The following ARHGAP10 variants were observed in gnomAD, a reference collection of about 807,000 sequenced individuals.
ARHGAP10 encodes the protein rho GTPase-activating protein 10.
ARHGAP10 carries 87 observed loss-of-function variants against 108.6 expected under a neutral mutation model. The ratio of observed to expected loss-of-function variants is 0.80; its 90% CI spans 0.67 to 0.96. The LOEUF (loss-of-function observed/expected upper bound fraction) is 0.96. Among genes scored for constraint, ARHGAP10 ranks in the 40% least tolerant of loss-of-function variants. The pLI is 0.00. For synonymous variants in ARHGAP10, 347 were observed against 341.1 expected (o/e 1.02, Z -0.19); for missense variants, 939 against 954.5 (o/e 0.98, Z 0.21).
intron 14 of ARHGAP10, 76 bp downstream of exon 14, chr4:147,939,975 A>G: frequency 7.5e-7 from 1 of 1,329,712 alleles, no homozygotes; most frequent in Non-Finnish European, 1.1e-6. Flanking sequence ...ATATTTCATA[A>G]TAATGTAGAG....
intron 22 of ARHGAP10, 32 bp downstream of exon 22, chr4:148,064,539 C>T: frequency 6.3e-7 from 1 of 1,581,414 alleles, no homozygotes; most frequent in Non-Finnish European, 8.7e-7. Context: ...GTCTGTTAAT[C>T]CTGTCCGCAG....
intron 1 of ARHGAP10, among the ~76,000 whole-genome samples, chr4:147,747,133 A>C (rs915045029): frequency 6.6e-6 from 1 of 151,978 alleles, no homozygotes; most frequent in Non-Finnish European, 1.5e-5. Flanking sequence ...TTGCACTTAA[A>C]AGACCCAAAC....
chr4:147,783,809 A>G (rs1730673646), intron 1 of ARHGAP10, among the ~76,000 whole-genome samples: 1 of 37,444 alleles, frequency 2.7e-5, no homozygotes, highest in African/African-American at 3.4e-5. Context: ...TTATATTTAT[A>G]TAACACACAT....
At chr4:148,007,397 G>A (rs1740992037) in intron 18 of ARHGAP10, among the ~76,000 whole-genome samples, 1 of 152,218 alleles carries the variant, frequency 6.6e-6, no homozygotes, top group Non-Finnish European at 1.5e-5. Context: ...TACAGGGAGT[G>A]TTTATCAGGG....
At chr4:147,927,729 A>G (rs1578699123) in intron 13 of ARHGAP10, among the ~76,000 whole-genome samples, 2 of 152,140 alleles carry the variant, frequency 1.3e-5, no homozygotes, top group East Asian at 1.9e-4. Context: ...GGACAGTGCA[A>G]CTTATTGGTG....
At chr4:147,910,634 G>A (rs1415472283) in intron 12 of ARHGAP10, among the ~76,000 whole-genome samples, 1 of 151,786 alleles carries the variant, frequency 6.6e-6, no homozygotes, top group African/African-American at 2.4e-5. Flanking sequence ...TGCCACTGCT[G>A]TACTTGAAGA....
At chr4:147,871,039 A>G (rs754959737) in intron 7 of ARHGAP10, among the ~76,000 whole-genome samples, 92 of 149,868 alleles carry the variant, frequency 6.1e-4, no homozygotes, top group Middle Eastern at 3.4e-3. Flanking sequence ...GGCTCACTGT[A>G]AGCTCCGCCT....
intron 18 of ARHGAP10, among the ~76,000 whole-genome samples, chr4:148,004,372 G>T (rs868582232): frequency 3.3e-5 from 5 of 152,192 alleles, no homozygotes; most frequent in Admixed American, 1.3e-4. Context: ...CTTTTGAAAA[G>T]AATGAATAGA....
At chr4:148,021,654 T>A (rs751947511) in intron 18 of ARHGAP10, among the ~76,000 whole-genome samples, 1 of 152,222 alleles carries the variant, frequency 6.6e-6, no homozygotes, top group Non-Finnish European at 1.5e-5. Flanking sequence ...TTAACTGCTC[T>A]CCTGTTCCCA....
chr4:147,941,753 A>G (rs564793027), intron 14 of ARHGAP10, among the ~76,000 whole-genome samples: 1 of 152,308 alleles, frequency 6.6e-6, no homozygotes, highest in East Asian at 1.9e-4. Context: ...AAAACTTTGG[A>G]TTTTCATTAG....
In ARHGAP10 at chr4:147,745,790, CT is replaced by C. The variant is rs70958581; in HGVS notation, c.154+13349del. ...ACAGGTGTGAGCCACTGTGCCCGGC[CT>C]TTTTTTTTTTTTTGAGATGGAGTTT... On this transcript the variant is annotated intron_variant, in intron 1 of 22. Transcript: ENST00000336498. Among the ~76,000 whole-genome samples, 1,085 of 132,920 alleles carry C rather than the reference CT, an allele frequency of 8.2e-3. 10 individuals are homozygous for C. Among genetic ancestry groups the C allele is most frequent in the African/African-American group, 0.028 (1,002 of 36,164 alleles). 87.2% of individuals were successfully genotyped at this position (132,920 alleles called of 152,430 possible). A position where few individuals can be genotyped will look rare whatever the true frequency, so the allele number is the denominator to read the frequency against.
At chr4:148,020,741 G>C (rs1425531182) in intron 18 of ARHGAP10, among the ~76,000 whole-genome samples, 1 of 152,108 alleles carries the variant, frequency 6.6e-6, no homozygotes, top group African/African-American at 2.4e-5. Context: ...TGTGAATAAT[G>C]CTGCAGCAAA....
chr4:147,870,002 G>T (rs56376203), intron 7 of ARHGAP10, among the ~76,000 whole-genome samples: 85,079 of 120,214 alleles, frequency 0.71, 27,758 homozygotes, highest in Non-Finnish European at 0.77. Context: ...CCCAGTTTGT[G>T]TGTGTGTGTG....
At chr4:147,982,365 CTTTTT>C (rs70958599) in intron 18 of ARHGAP10, among the ~76,000 whole-genome samples, 18 of 124,626 alleles carry the variant, frequency 1.4e-4, no homozygotes, top group Admixed American at 8.2e-4. Flanking sequence ...TTCTTTCTTT[CTTTTT>C]TTTTTTTTTT....
At chr4:147,878,296 A>T (rs555056286) in intron 8 of ARHGAP10, among the ~76,000 whole-genome samples, 68 of 152,182 alleles carry the variant, frequency 4.5e-4, no homozygotes, top group African/African-American at 1.2e-3. Context: ...AGGGTTTCAC[A>T]ACGTTGGCCA....
chr4:147,765,494 C>T (rs1290386917), intron 1 of ARHGAP10, among the ~76,000 whole-genome samples: 1 of 152,122 alleles, frequency 6.6e-6, no homozygotes, highest in Non-Finnish European at 1.5e-5. Context: ...CTGAAGAATG[C>T]TAGTGCTGAT....
intron 4 of ARHGAP10, among the ~76,000 whole-genome samples, chr4:147,855,861 GTGTGGTCCCA>G (rs1734065584): frequency 6.6e-6 from 1 of 152,106 alleles, no homozygotes; most frequent in Non-Finnish European, 1.5e-5. Context: ...GAAGAACAGC[GTGTGGTCCCA>G]TGTGGTGAAA....
chr4:148,060,181 A>T (rs1331144987), intron 20 of ARHGAP10, among the ~76,000 whole-genome samples: 1 of 152,160 alleles, frequency 6.6e-6, no homozygotes, highest in Admixed American at 6.5e-5. Context: ...GAAAGAGAAT[A>T]TCAGAAATTC....
At chr4:147,810,755 C>T (rs1731984303) in intron 1 of ARHGAP10, among the ~76,000 whole-genome samples, 1 of 152,210 alleles carries the variant, frequency 6.6e-6, no homozygotes, top group Non-Finnish European at 1.5e-5. Flanking sequence ...CCCTCAGTGA[C>T]TGTCCCATCT....
Sources: allele counts gnomAD v4.1 joint callset (sites outside exome capture counted in the v4.1 genomes callset), GRCh38; gene constraint gnomAD v4.1.1; transcripts MANE v1.5; gene names NCBI Gene and HGNC (gene_info 2026-07-23, HGNC 2026-07-21).